KCNIP4: variants seen among roughly 807,000 people sequenced by gnomAD.
KCNIP4 encodes the protein potassium voltage-gated channel interacting protein 4.
In KCNIP4, 12 loss-of-function variants were observed where a neutral mutation model predicts 34.0. The ratio of observed to expected loss-of-function variants is 0.35; its 90% CI spans 0.23 to 0.57. The LOEUF is 0.57. KCNIP4 is among the 20% of genes least tolerant of loss of function. KCNIP4 has a pLI of 0.83. For synonymous variants in KCNIP4, 124 were observed against 102.2 expected, an observed-to-expected ratio of 1.21 and a Z score of -1.29; for missense variants, 238 against 311.7, an observed-to-expected ratio of 0.76 and a Z score of 1.78.
intron 1 of KCNIP4, among the ~76,000 whole-genome samples, chr4:20,964,704 TGC>T (rs1734177195): frequency 5.3e-5 from 8 of 152,194 alleles, no homozygotes; most frequent in African/African-American, 1.9e-4. Context: ...ATATTTAACA[TGC>T]TTAGCTGTAC....
chr4:21,538,781 G>A (rs1577557441), intron 1 of KCNIP4, among the ~76,000 whole-genome samples: 1 of 152,176 alleles, frequency 6.6e-6, no homozygotes, highest in Non-Finnish European at 1.5e-5. Context: ...ATGCCGGTAT[G>A]TTCTCTATAT....
chr4:21,214,850 A>G (rs1381508709), intron 1 of KCNIP4, among the ~76,000 whole-genome samples: 2 of 152,112 alleles, frequency 1.3e-5, no homozygotes. Context: ...ATTTCTTTCT[A>G]TCCTTTCTTG....
At position 21,556,920 on chromosome 4, in the gene KCNIP4, C is replaced by CAAAAAAAAAAAAAAAAAAAAAAA. The variant is rs1281543089; in HGVS notation, c.61+391650_61+391651insTTTTTTTTTTTTTTTTTTTTTTT. ...TGATCAACAAAGCAAGACTCCATCT[C>CAAAAAAAAAAAAAAAAAAAAAAA]AGAAAAAAAAAAAAAAAAAAAAACC... On this transcript the variant is annotated intron_variant, in intron 1 of 8. Transcript: ENST00000382152. 2.8e-4 allele frequency among the ~76,000 whole-genome samples: 10 copies of CAAAAAAAAAAAAAAAAAAAAAAA among 35,644 alleles called. 1 individual carries two copies. The highest frequency in any genetic ancestry group is 2.5e-3 in the East Asian group (2 of 798). 23.4% of individuals were successfully genotyped at this position (35,644 alleles called of 152,430 possible). A position where few individuals can be genotyped will look rare whatever the true frequency, so the allele number is the denominator to read the frequency against.
At chr4:21,115,010 T>A (rs1389987907) in intron 1 of KCNIP4, among the ~76,000 whole-genome samples, 1 of 152,202 alleles carries the variant, frequency 6.6e-6, no homozygotes, top group Non-Finnish European at 1.5e-5. Flanking sequence ...GTTAGTTTAA[T>A]CTTAATTTTC....
At chr4:20,977,137 A>G (rs1264827954) in intron 1 of KCNIP4, among the ~76,000 whole-genome samples, 2 of 152,178 alleles carry the variant, frequency 1.3e-5, no homozygotes, top group East Asian at 3.9e-4. Context: ...CTGGCCAAAC[A>G]TGAACTTTAA....
intron 1 of KCNIP4, among the ~76,000 whole-genome samples, chr4:21,097,643 T>C (rs1747579430): frequency 6.6e-6 from 1 of 152,164 alleles, no homozygotes; most frequent in Non-Finnish European, 1.5e-5. Flanking sequence ...CACACTCAGA[T>C]AACATGTTGA....
chr4:20,738,036 A>G (rs545659270), intron 5 of KCNIP4, among the ~76,000 whole-genome samples: 1 of 151,886 alleles, frequency 6.6e-6, no homozygotes, highest in Non-Finnish European at 1.5e-5. Context: ...GGAGGCTGAG[A>G]TGGGAATCAC....
In KCNIP4 at chr4:21,013,702, T is replaced by C. The variant is rs35908554; in HGVS notation, c.62-130993A>G. Among the ~76,000 whole-genome samples the C allele has an allele frequency of 8.5e-3, 1,288 of 152,262 alleles. 42 individuals carry two copies. Among genetic ancestry groups the C allele is most frequent in the Admixed American group, 0.061 (939 of 15,290 alleles). On this transcript the variant is annotated intron_variant, in intron 1 of 8. Coordinates refer to ENST00000382152, the MANE Select transcript of KCNIP4 (RefSeq NM_025221.6). ...GTAAAGAGGAACACTGAATAAACTG[T>C]TGTGGTGGATGTCAGTGTCTATTCT...
intron 1 of KCNIP4, among the ~76,000 whole-genome samples, chr4:21,248,716 A>G (rs1760470816): frequency 1.3e-5 from 2 of 152,196 alleles, no homozygotes; most frequent in Non-Finnish European, 2.9e-5. Context: ...TACCATTTTC[A>G]CAGCCTTAAT....
intron 1 of KCNIP4, among the ~76,000 whole-genome samples, chr4:21,427,291 G>A (rs866627162): frequency 6.0e-5 from 9 of 150,864 alleles, no homozygotes; most frequent in African/African-American, 2.2e-4. Context: ...CAGGCAATGT[G>A]TTAAGCCACG....
intron 1 of KCNIP4, among the ~76,000 whole-genome samples, chr4:20,904,209 G>T (rs972548247): frequency 6.6e-6 from 1 of 151,774 alleles, no homozygotes; most frequent in Non-Finnish European, 1.5e-5. Context: ...TGGTCAAGTT[G>T]GTGTCATCCA....
chr4:21,492,662 T>G (rs537626984), intron 1 of KCNIP4, among the ~76,000 whole-genome samples: 1 of 152,220 alleles, frequency 6.6e-6, no homozygotes, highest in African/African-American at 2.4e-5. Context: ...AAAACAATTA[T>G]TTTCCTAACT....
chr4:20,950,272 G>A (rs1732644788), intron 1 of KCNIP4, among the ~76,000 whole-genome samples: 1 of 151,970 alleles, frequency 6.6e-6, no homozygotes, highest in Non-Finnish European at 1.5e-5. Context: ...TCTAGCTGTA[G>A]CTAGCATGGC....
intron 1 of KCNIP4, among the ~76,000 whole-genome samples, chr4:21,075,123 G>T (rs1411909268): frequency 2.0e-5 from 3 of 152,174 alleles, no homozygotes; most frequent in Admixed American, 6.5e-5. Context: ...TGTTGATTTG[G>T]GGTGGAGAGT....
intron 1 of KCNIP4, among the ~76,000 whole-genome samples, chr4:21,732,309 C>G (rs1388626692): frequency 6.6e-6 from 1 of 151,920 alleles, no homozygotes; most frequent in Non-Finnish European, 1.5e-5. Flanking sequence ...TAAAAGACAT[C>G]AAAACAATAG....
chr4:21,801,700 C>A (rs1194873959), intron 1 of KCNIP4, among the ~76,000 whole-genome samples: 1 of 151,998 alleles, frequency 6.6e-6, no homozygotes, highest in African/African-American at 2.4e-5. Context: ...CCTCCACCTC[C>A]CGGGTTCAAG....
At chr4:20,857,286 C>T (rs574673687) in intron 2 of KCNIP4, among the ~76,000 whole-genome samples, 24 of 152,210 alleles carry the variant, frequency 1.6e-4, no homozygotes, top group African/African-American at 5.1e-4. Flanking sequence ...ATGGGGAGCA[C>T]GGCATGATCC....
At chr4:21,293,276 G>C (rs1423729902) in intron 1 of KCNIP4, among the ~76,000 whole-genome samples, 1 of 152,150 alleles carries the variant, frequency 6.6e-6, no homozygotes, top group Non-Finnish European at 1.5e-5. Context: ...TGAAACTGAA[G>C]CTCAAAGGAG....
chr4:21,021,808 A>C (rs956127898), intron 1 of KCNIP4, among the ~76,000 whole-genome samples: 1 of 151,500 alleles, frequency 6.6e-6, no homozygotes, highest in African/African-American at 2.4e-5. Flanking sequence ...TCCCTTTTGA[A>C]AAAATAAGTA....
Sources: allele counts gnomAD v4.1 joint callset (sites outside exome capture counted in the v4.1 genomes callset), GRCh38; gene constraint gnomAD v4.1.1; transcripts MANE v1.5; gene names NCBI Gene and HGNC (gene_info 2026-07-23, HGNC 2026-07-21).